Variants in TMCC1 observed in about 807,000 individuals in gnomAD.
The protein encoded by TMCC1 is transmembrane and coiled-coil domains protein 1.
A neutral mutation model predicts 52.4 loss-of-function variants in TMCC1; 15 were observed. That is an observed-to-expected ratio of 0.29 (90% confidence interval 0.19 to 0.44). The LOEUF is 0.44. Ranked by LOEUF, TMCC1 falls within the 20% of genes least tolerant of loss-of-function variation. TMCC1 has a pLI of 1.00. For synonymous variants in TMCC1, 279 were observed against 301.9 expected (o/e 0.92, Z 0.79); for missense variants, 503 against 806.0 (o/e 0.62, Z 4.55).
chr3:129,735,652 A>AAAG (rs2050898559), intron 4 of TMCC1, among the ~76,000 whole-genome samples: 1 of 151,648 alleles, frequency 6.6e-6, no homozygotes, highest in African/African-American at 2.4e-5. Context: ...TCTCTTAAAA[A>AAAG]AAAAAAAAAA....
intron 2 of TMCC1, among the ~76,000 whole-genome samples, chr3:129,836,892 T>C (rs1251343278): frequency 6.6e-6 from 1 of 152,078 alleles, no homozygotes; most frequent in Non-Finnish European, 1.5e-5. Context: ...AGCTCCTCCA[T>C]CTCCACCCCC....
chr3:129,886,862 G>A (rs576910084), intron 1 of TMCC1, among the ~76,000 whole-genome samples: 8 of 151,618 alleles, frequency 5.3e-5, no homozygotes, highest in South Asian at 2.1e-4. Context: ...CCTGGAACCC[G>A]GGAGGCGGAG....
intron 5 of TMCC1, among the ~76,000 whole-genome samples, chr3:129,663,985 G>T (rs1438121533): frequency 1.3e-5 from 2 of 152,168 alleles, no homozygotes; most frequent in African/African-American, 4.8e-5. Flanking sequence ...GAGCTGGCAA[G>T]CAAATTCAAG....
At position 129,829,943 on chromosome 3, in the gene TMCC1, C is replaced by T. The variant is rs77958314; in HGVS notation, c.-130-1435G>A. Among the ~76,000 whole-genome samples, 705 of 152,208 alleles carry T rather than the reference C, an allele frequency of 4.6e-3. 8 individuals are homozygous for T. The highest frequency in any genetic ancestry group is 0.014 in the African/African-American group (594 of 41,512). ...CTCCACTGTCCATATTCTTTCATGC[C>T]TGTGATTCCATTACCTAATCTCTTC... is the stretch of plus-strand genomic sequence containing the variant. On this transcript the variant is annotated intron_variant, in intron 3 of 6. Coordinates refer to ENST00000393238, the MANE Select transcript of TMCC1 (RefSeq NM_001017395.5).
At chr3:129,695,642 G>A (rs561228246) in intron 4 of TMCC1, among the ~76,000 whole-genome samples, 1 of 152,238 alleles carries the variant, frequency 6.6e-6, no homozygotes, top group African/African-American at 2.4e-5. Context: ...AACTGGCCCC[G>A]TGATTAAATT....
intron 3 of TMCC1, among the ~76,000 whole-genome samples, chr3:129,832,436 TC>T (rs2058964926): frequency 6.6e-6 from 1 of 152,192 alleles, no homozygotes; most frequent in African/African-American, 2.4e-5. Flanking sequence ...GTCAGGCATT[TC>T]AAATAATTTG....
chr3:129,888,142 G>A (rs565137591), intron 1 of TMCC1, among the ~76,000 whole-genome samples: 6 of 152,288 alleles, frequency 3.9e-5, no homozygotes, highest in African/African-American at 1.4e-4. Context: ...CGTGTATGCT[G>A]GAATGGAATA....
intron 2 of TMCC1, among the ~76,000 whole-genome samples, chr3:129,834,845 A>G (rs936135713): frequency 6.6e-6 from 1 of 152,212 alleles, no homozygotes; most frequent in East Asian, 1.9e-4. Flanking sequence ...CTGGAAACGT[A>G]TTACGAGTAC....
intron 2 of TMCC1, among the ~76,000 whole-genome samples, chr3:129,874,121 A>G (rs2061069165): frequency 6.6e-6 from 1 of 152,232 alleles, no homozygotes; most frequent in Non-Finnish European, 1.5e-5. Flanking sequence ...AGGACCAGGA[A>G]TCAGGGATTA....
intron 5 of TMCC1, among the ~76,000 whole-genome samples, chr3:129,659,615 TA>T (rs915474519): frequency 6.6e-6 from 1 of 152,190 alleles, no homozygotes; most frequent in Non-Finnish European, 1.5e-5. Flanking sequence ...CCTCAGCACT[TA>T]TTCCCAACAC....
rs1479965836 is a variant in TMCC1, at chr3:129,862,899, T to C, written c.-184+17410A>G. ...TCTGCACCTTGGATTAGGATTTTAT[T>C]AGGAAAGCATTTTAACACAATTTTG... On this transcript the variant is annotated intron_variant, in intron 2 of 6. Transcript: ENST00000393238. Among the ~76,000 whole-genome samples the C allele has an allele frequency of 2.0e-5, 3 of 152,234 alleles. No individual in the cohort carries two copies. In the East Asian group the frequency reaches 5.8e-4, roughly 29 times the overall value.
At chr3:129,687,789 A>G (rs1333234778) in intron 4 of TMCC1, among the ~76,000 whole-genome samples, 1 of 152,260 alleles carries the variant, frequency 6.6e-6, no homozygotes, top group Non-Finnish European at 1.5e-5. Context: ...TTATGTTCTC[A>G]GCCTATTACT....
intron 2 of TMCC1, among the ~76,000 whole-genome samples, chr3:129,844,642 G>A (rs915195597): frequency 5.3e-5 from 8 of 152,120 alleles, no homozygotes; most frequent in African/African-American, 1.9e-4. Flanking sequence ...AAGGTGCTAG[G>A]TCATTCTGCC....
intron 2 of TMCC1, among the ~76,000 whole-genome samples, chr3:129,846,732 A>G (rs981856361): frequency 1.3e-5 from 2 of 152,024 alleles, no homozygotes; most frequent in African/African-American, 4.8e-5. Context: ...GACATTTATG[A>G]CTTTGAAGAA....
Position 129,671,182 on chromosome 3 carries a change from G to A in TMCC1, c.659C>T (p.Ser220Phe), listed in dbSNP as rs759011859. 3.7e-6 allele frequency: 6 copies of A among 1,614,162 alleles called. No individual in the cohort carries two copies. In the Middle Eastern group the frequency reaches 4.9e-4, roughly 133 times the overall value. ...SSTDGSIHTDSVDGTPDPQRT... is the reference protein window; with the variant it reads ...SSTDGSIHTDFVDGTPDPQRT... ...CTGAGGGTCTGGTGTTCCATCCACAGAGTCTGTGTGGATGCTGCCATCGGT... is the reference window on the plus strand; with the variant it reads ...CTGAGGGTCTGGTGTTCCATCCACAAAGTCTGTGTGGATGCTGCCATCGGT... The change falls in exon 5 of 7, where the codon TCT becomes TTT. Residue 220 changes from serine to phenylalanine, a missense_variant. Coordinates refer to ENST00000393238, the MANE Select transcript of TMCC1 (RefSeq NM_001017395.5).
chr3:129,653,072 CT>C (rs1390485063), intron 6 of TMCC1, among the ~76,000 whole-genome samples: 1 of 151,156 alleles, frequency 6.6e-6, no homozygotes, highest in Admixed American at 6.6e-5. Context: ...TCACAACTTG[CT>C]TTTTTTTTCA....
At chr3:129,801,462 G>GTTTGTT (rs1290280516) in intron 4 of TMCC1, among the ~76,000 whole-genome samples, 1 of 151,816 alleles carries the variant, frequency 6.6e-6, no homozygotes, top group African/African-American at 2.4e-5. Context: ...TGTTTTGTTT[G>GTTTGTT]TTTGTTTTTG....
chr3:129,777,989 T>C (rs2055179906), intron 4 of TMCC1, among the ~76,000 whole-genome samples: 1 of 152,182 alleles, frequency 6.6e-6, no homozygotes, highest in Admixed American at 6.5e-5. Context: ...TTGATTTCCC[T>C]CTGCTTCGGT....
At chr3:129,753,087 T>C (rs1392134337) in intron 4 of TMCC1, among the ~76,000 whole-genome samples, 1 of 152,146 alleles carries the variant, frequency 6.6e-6, no homozygotes, top group Non-Finnish European at 1.5e-5. Flanking sequence ...CCTCCAACTC[T>C]GGGAATGTGA....
Sources: allele counts gnomAD v4.1 joint callset (sites outside exome capture counted in the v4.1 genomes callset), GRCh38; gene constraint gnomAD v4.1.1; transcripts MANE v1.5; gene names NCBI Gene and HGNC (gene_info 2026-07-23, HGNC 2026-07-21).